The following ATP5MC2 variants were observed in gnomAD, a reference collection of about 807,000 sequenced individuals.
The protein encoded by ATP5MC2 is ATP synthase membrane subunit c locus 2, also known as ATP synthase F(0) complex subunit C2, mitochondrial.
ATP5MC2 carries 11 observed loss-of-function variants against 13.5 expected under a neutral mutation model. That is an observed-to-expected ratio of 0.81 (90% CI 0.51 to 1.35). The LOEUF (loss-of-function observed/expected upper bound fraction) is 1.35, where lower values mean the gene tolerates loss of function less well. Ranked by LOEUF, ATP5MC2 falls within the 40% of genes most tolerant of loss-of-function variation. The pLI, the probability that ATP5MC2 is intolerant of heterozygous loss-of-function variation, is 0.00. For missense variants in ATP5MC2, 132 were observed against 175.0 expected, an observed-to-expected ratio of 0.75 and a Z score of 1.39; for synonymous variants, 64 against 69.7, an observed-to-expected ratio of 0.92 and a Z score of 0.41.
chr12:53,669,783 T>C lies in ATP5MC2; in HGVS notation c.117+88A>G, dbSNP rs528045923. The C allele has an allele frequency of 2.4e-5, 33 of 1,382,684 alleles. No individual in the cohort carries two copies. In the South Asian group the frequency reaches 3.8e-4, roughly 16 times the overall value. The allele number at this position is 1,382,684 out of a possible 1,614,324, so 85.7% of individuals were successfully genotyped here. On this transcript the variant is annotated intron_variant, in intron 3 of 4. Coordinates refer to ENST00000394349, the MANE Select transcript of ATP5MC2 (RefSeq NM_005176.7). ...CATGAATTTTAGCCTGTGATGACTG[T>C]CCTCAGCATTCTACCTCCTGGTTCT...
chr12:53,669,379 C>T, intron 3 of ATP5MC2, 38 bp from the exon 4 acceptor site: 2 of 1,583,972 alleles, frequency 1.3e-6, no homozygotes, highest in Non-Finnish European at 1.7e-6. Context: ...AAGTTTTTTG[C>T]TTTGGTAACT....
chr12:53,676,488 T>C (rs1345716827), upstream of ATP5MC2: 3 of 315,820 alleles, frequency 9.5e-6, no homozygotes, highest in Non-Finnish European at 1.8e-5. Context: ...GAGGAAGATC[T>C]TGGGAGTCCT....
chr12:53,671,549 C>T (rs1945094016), intron 2 of ATP5MC2, among the ~76,000 whole-genome samples: 1 of 152,220 alleles, frequency 6.6e-6, no homozygotes, highest in Non-Finnish European at 1.5e-5. Context: ...CCAGAATGAA[C>T]TCCTTAGCTA....
At chr12:53,672,206 C>T (rs1945120024) in intron 2 of ATP5MC2, among the ~76,000 whole-genome samples, 1 of 151,388 alleles carries the variant, frequency 6.6e-6, no homozygotes, top group African/African-American at 2.4e-5. Context: ...CCCCAAGAAT[C>T]TTTCTTACTT....
intron 4 of ATP5MC2, among the ~76,000 whole-genome samples, chr12:53,666,967 T>C (rs959782245): frequency 6.9e-6 from 1 of 145,752 alleles, no homozygotes; most frequent in Non-Finnish European, 1.5e-5. Context: ...AAAAAGAAGT[T>C]ACAAATGGTC....
intron 3 of ATP5MC2, 142 bp from the exon 4 acceptor site, chr12:53,669,483 AC>A: frequency 7.0e-7 from 1 of 1,423,658 alleles, no homozygotes; most frequent in Non-Finnish European, 9.2e-7. Flanking sequence ...GGCAAGTAGA[AC>A]CTTTTAACGT....
Position 53,665,183 on chromosome 12 carries a change from G to C in ATP5MC2, c.*131C>G, listed in dbSNP as rs536525645. ...ACTCAAGAAACATCTTATTAATACA[G>C]TATTTATTTGTCTTTTCTCTGTCAA... On this transcript the variant is annotated 3_prime_UTR_variant, in exon 5 of 5. Transcript: ENST00000394349. 6.2e-6 allele frequency: 4 copies of C among 649,672 alleles called. No individual in the cohort carries two copies. In the African/African-American group the frequency reaches 7.3e-5, roughly 12 times the overall value. The allele number at this position is 649,672 out of a possible 1,614,324, so 40.2% of individuals were successfully genotyped here.
rs868663251 is a variant in ATP5MC2, at chr12:53,672,101, A to T, written c.39+475T>A. On this transcript the variant is annotated intron_variant, in intron 2 of 4. Coordinates refer to ENST00000394349, the MANE Select transcript of ATP5MC2 (RefSeq NM_005176.7). ...TCTGTCTCAAAAAAAAAAAAAAAAA[A>T]AAAATTAACTGGCCGCCAAGGGATA... Among the ~76,000 whole-genome samples, 175 of 150,576 alleles carry T rather than the reference A, an allele frequency of 1.2e-3. 5 individuals carry two copies. Among genetic ancestry groups the T allele is most frequent in the African/African-American group, 4.0e-3 (163 of 40,708 alleles).
chr12:53,665,307 G>A lies in ATP5MC2; in HGVS notation c.*7C>T. 1.2e-6 allele frequency: 2 copies of A among 1,604,720 alleles called. No individual in the cohort carries two copies. The highest frequency in any genetic ancestry group is 1.9e-4 in the Middle Eastern group (1 of 5,226). On this transcript the variant is annotated 3_prime_UTR_variant, in exon 5 of 5. Coordinates refer to ENST00000394349, the MANE Select transcript of ATP5MC2 (RefSeq NM_005176.7). ...CGGGAGAACTATGGGAGGTGGAGAC[G>A]GCTCCTTCACATGGCAAAGAGGATG...
At position 53,676,060 on chromosome 12, in the gene ATP5MC2, C is replaced by T; in HGVS notation, c.-39G>A. ...TAGGTCCCAAGGCCTTACCTGCTCC[C>T]ACTGCAGAGAAGACAGAGAGGGGCG... On this transcript the variant is annotated 5_prime_UTR_variant, in exon 1 of 5. Transcript: ENST00000394349. 1.9e-6 allele frequency: 3 copies of T among 1,613,984 alleles called. No individual in the cohort carries two copies. The highest frequency in any genetic ancestry group is 2.5e-6 in the Non-Finnish European group (3 of 1,179,984).
At chr12:53,668,067 TA>T (rs2138021033) in intron 4 of ATP5MC2, among the ~76,000 whole-genome samples, 1 of 148,772 alleles carries the variant, frequency 6.7e-6, no homozygotes, top group South Asian at 2.2e-4. Flanking sequence ...TGGCTCACTG[TA>T]ACCTCTGTCT....
At chr12:53,680,007 A>G (rs1304087461), upstream of ATP5MC2, among the ~76,000 whole-genome samples, 1 of 152,120 alleles carries the variant, frequency 6.6e-6, no homozygotes, top group African/African-American at 2.4e-5. Flanking sequence ...TTTTTTGGAG[A>G]CAGGGTCTTG....
At chr12:53,678,914 G>A (rs1026125985), upstream of ATP5MC2, among the ~76,000 whole-genome samples, 2 of 152,168 alleles carry the variant, frequency 1.3e-5, no homozygotes, top group African/African-American at 4.8e-5. Context: ...GTGAGTGGCA[G>A]ATTCTGACTG....
chr12:53,670,343 T>A, intron 2 of ATP5MC2: 1 of 348,738 alleles, frequency 2.9e-6, no homozygotes. Context: ...AAATCCATCA[T>A]ACTTTGAAAA....
chr12:53,676,124 G>A (rs778221838), upstream of ATP5MC2: 6 of 1,614,260 alleles, frequency 3.7e-6, no homozygotes, highest in Non-Finnish European at 4.2e-6. Flanking sequence ...CAGCGCATGC[G>A]TGACCCGGGC....
chr12:53,672,793 G>T, intron 1 of ATP5MC2, 148 bp from the exon 2 acceptor site: 1 of 680,490 alleles, frequency 1.5e-6, no homozygotes. Context: ...AAACCCTGAA[G>T]TCATGACTTC....
chr12:53,672,092 A>AAAAAAAAAAAAAAAAAAAAT lies in ATP5MC2; in HGVS notation c.39+483_39+484insATTTTTTTTTTTTTTTTTTT, dbSNP rs1945113405. 2.0e-5 allele frequency among the ~76,000 whole-genome samples: 3 copies of AAAAAAAAAAAAAAAAAAAAT among 150,412 alleles called. 1 individual carries two copies. The highest frequency in any genetic ancestry group is 7.3e-5 in the African/African-American group (3 of 40,888). ...GAGCGAAACTCTGTCTCAAAAAAAA[A>AAAAAAAAAAAAAAAAAAAAT]AAAAAAAAAAAAATTAACTGGCCGC... On this transcript the variant is annotated intron_variant, in intron 2 of 4. Transcript: ENST00000394349.
At chr12:53,677,368 C>T (rs1945303960), upstream of ATP5MC2, 1 of 152,244 alleles carries the variant, frequency 6.6e-6, no homozygotes, top group East Asian at 1.9e-4. Flanking sequence ...GAGCAATTTC[C>T]CGGGACCCCG....
upstream of ATP5MC2, chr12:53,677,338 A>AC (rs1245295571): frequency 6.6e-6 from 1 of 152,024 alleles, no homozygotes; most frequent in Non-Finnish European, 1.5e-5. Flanking sequence ...GGCGATAAAA[A>AC]CCGCCGCTGA....
Sources: allele counts gnomAD v4.1 joint callset (sites outside exome capture counted in the v4.1 genomes callset), GRCh38; gene constraint gnomAD v4.1.1; transcripts MANE v1.5; gene names NCBI Gene and HGNC (gene_info 2026-07-23, HGNC 2026-07-21).